KYNU: variants seen among roughly 807,000 people sequenced by gnomAD.
KYNU encodes the protein L-kynurenine hydrolase.
In KYNU, 54 loss-of-function variants were observed where a neutral mutation model predicts 59.2. The ratio of observed to expected loss-of-function variants is 0.91; its 90% CI spans 0.73 to 1.14. The LOEUF (loss-of-function observed/expected upper bound fraction) is 1.14, where lower values mean the gene tolerates loss of function less well. KYNU is among the 50% of genes most tolerant of loss of function. The pLI, the probability that KYNU is intolerant of heterozygous loss-of-function variation, is 0.00. For missense variants in KYNU, 567 were observed against 554.4 expected (o/e 1.02, Z -0.23); for synonymous variants, 177 against 192.0 (o/e 0.92, Z 0.65).
chr2:142,958,520 C>CT (rs1684240890), intron 7 of KYNU, among the ~76,000 whole-genome samples: 1 of 152,158 alleles, frequency 6.6e-6, no homozygotes, highest in Admixed American at 6.5e-5. Flanking sequence ...TCTTTCAACC[C>CT]AGAATTACTT....
intron 10 of KYNU, among the ~76,000 whole-genome samples, chr2:142,990,531 A>G (rs948804532): frequency 1.1e-4 from 17 of 151,868 alleles, no homozygotes; most frequent in African/African-American, 4.1e-4. Context: ...GTCTACTATG[A>G]AAACAGGAGT....
chr2:142,950,190 C>A (rs1264349646), intron 4 of KYNU, among the ~76,000 whole-genome samples: 2 of 152,178 alleles, frequency 1.3e-5, no homozygotes, highest in Non-Finnish European at 2.9e-5. Context: ...CTAGGAAGTT[C>A]CAAACTTTCC....
At chr2:143,040,025 T>G (rs1427231930) in intron 12 of KYNU, among the ~76,000 whole-genome samples, 1 of 152,134 alleles carries the variant, frequency 6.6e-6, no homozygotes, top group South Asian at 2.1e-4. Context: ...AAACTCTTGA[T>G]AGGCTTTTGT....
chr2:143,045,325 G>T lies in KYNU; in HGVS notation c.*3153G>T, dbSNP rs924234104. ...GTCTTGGCAATACAGGTTCTTTTTT[G>T]GTTCCATATGAAATTTAAAGTAGTT... On this transcript the variant is annotated 3_prime_UTR_variant, in exon 14 of 14. Coordinates refer to ENST00000264170, the MANE Select transcript of KYNU (RefSeq NM_003937.3). The T allele has an allele frequency of 1.3e-5, 2 of 151,890 alleles. No individual in the cohort carries two copies. Among genetic ancestry groups the T allele is most frequent in the African/African-American group, 4.8e-5 (2 of 41,356 alleles). The allele number at this position is 151,890 out of a possible 1,614,324, so 9.4% of individuals were successfully genotyped here.
At position 143,011,014 on chromosome 2, in the gene KYNU, T is replaced by C. The variant is rs191607668; in HGVS notation, c.903-18613T>C. On this transcript the variant is annotated intron_variant, in intron 10 of 13. Coordinates refer to ENST00000264170, the MANE Select transcript of KYNU (RefSeq NM_003937.3). ...GACATAGGCATGGGCAAGGACTTCA[T>C]GTGCAAAACACCAAAAGCAATGGCA... 1.1e-3 allele frequency among the ~76,000 whole-genome samples: 167 copies of C among 145,252 alleles called. 22 individuals are homozygous for C. Among genetic ancestry groups the C allele is most frequent in the Non-Finnish European group, 4.1e-4 (27 of 66,586 alleles).
chr2:142,945,116 A>G (rs753345395), intron 4 of KYNU, among the ~76,000 whole-genome samples: 1 of 152,190 alleles, frequency 6.6e-6, no homozygotes, highest in African/African-American at 2.4e-5. Context: ...TGAATGCTGG[A>G]GTGGCTGTGG....
At chr2:143,020,537 G>A (rs1467402365) in intron 10 of KYNU, among the ~76,000 whole-genome samples, 2 of 152,118 alleles carry the variant, frequency 1.3e-5, no homozygotes, top group Admixed American at 1.3e-4. Flanking sequence ...AGAATTGTTT[G>A]TGGCCTAACA....
intron 2 of KYNU, among the ~76,000 whole-genome samples, chr2:142,900,617 G>A (rs1192483675): frequency 6.6e-6 from 1 of 152,154 alleles, no homozygotes; most frequent in African/African-American, 2.4e-5. Context: ...AGATGGATGC[G>A]GTCACCTTCC....
chr2:142,920,449 C>T (rs1395373347), intron 3 of KYNU, among the ~76,000 whole-genome samples: 1 of 152,128 alleles, frequency 6.6e-6, no homozygotes, highest in African/African-American at 2.4e-5. Context: ...AATTTTTATC[C>T]CCTAAGCATT....
At chr2:142,959,455 A>G (rs1187272643) in intron 7 of KYNU, among the ~76,000 whole-genome samples, 1 of 152,092 alleles carries the variant, frequency 6.6e-6, no homozygotes, top group Non-Finnish European at 1.5e-5. Flanking sequence ...ATGTGGTGGC[A>G]CATGCCTGTA....
intron 10 of KYNU, among the ~76,000 whole-genome samples, chr2:143,001,806 A>T (rs1489423491): frequency 6.6e-6 from 1 of 152,196 alleles, no homozygotes. Flanking sequence ...AAGAATATCT[A>T]CCTCAAAGTG....
At chr2:142,981,603 A>G (rs1420733118) in intron 8 of KYNU, among the ~76,000 whole-genome samples, 4 of 152,102 alleles carry the variant, frequency 2.6e-5, no homozygotes, top group Non-Finnish European at 2.9e-5. Flanking sequence ...TTAAACTTAT[A>G]TTACAATGGA....
At position 142,985,173 on chromosome 2, in the gene KYNU, T is replaced by C. The variant is rs1434777834; in HGVS notation, c.819T>C (p.Cys273=). 1.9e-6 allele frequency: 3 copies of C among 1,592,216 alleles called. No homozygotes were observed. The highest frequency in any genetic ancestry group is 2.6e-6 in the Non-Finnish European group (3 of 1,160,654). Residue 273 remains cysteine, a synonymous_variant, in exon 9 of 14, where the codon TGT becomes TGC. Coordinates refer to ENST00000264170, the MANE Select transcript of KYNU (RefSeq NM_003937.3). ...HDWGVDFACW[C]SYKYLNAGAG... is the part of the protein sequence containing the mutation. ...GGGGAGTTGATTTTGCCTGCTGGTG[T>C]TCCTACAAGGTACAAACGAGTTAAT...
chr2:142,891,272 C>A (rs1681702564), intron 2 of KYNU, among the ~76,000 whole-genome samples: 1 of 152,094 alleles, frequency 6.6e-6, no homozygotes. Flanking sequence ...TTCTTCATTC[C>A]ATTTTTTTAT....
chr2:142,995,549 G>C (rs1481296453), intron 10 of KYNU, among the ~76,000 whole-genome samples: 2 of 152,072 alleles, frequency 1.3e-5, no homozygotes, highest in Non-Finnish European at 2.9e-5. Context: ...TATTAAACTA[G>C]GAATTGATAG....
intron 11 of KYNU, among the ~76,000 whole-genome samples, chr2:143,030,826 A>G (rs1420614963): frequency 6.6e-6 from 1 of 152,138 alleles, no homozygotes; most frequent in African/African-American, 2.4e-5. Flanking sequence ...AATACACCTA[A>G]TCTATAGAAC....
chr2:142,978,322 G>A (rs1045837503), intron 8 of KYNU, among the ~76,000 whole-genome samples: 5 of 151,796 alleles, frequency 3.3e-5, no homozygotes, highest in African/African-American at 4.8e-5. Flanking sequence ...AAGTAATATT[G>A]TCCAAATTTA....
At chr2:143,000,187 A>G (rs1475400108) in intron 10 of KYNU, among the ~76,000 whole-genome samples, 1 of 152,172 alleles carries the variant, frequency 6.6e-6, no homozygotes, top group African/African-American at 2.4e-5. Flanking sequence ...GCAGAAAACT[A>G]TGTGAGTCTG....
At chr2:142,922,937 C>A (rs1341086795) in intron 3 of KYNU, among the ~76,000 whole-genome samples, 3 of 152,180 alleles carry the variant, frequency 2.0e-5, no homozygotes, top group African/African-American at 7.2e-5. Context: ...AAGGTGCTGG[C>A]TGACTTAGTG....
Sources: allele counts gnomAD v4.1 joint callset (sites outside exome capture counted in the v4.1 genomes callset), GRCh38; gene constraint gnomAD v4.1.1; transcripts MANE v1.5; gene names NCBI Gene and HGNC (gene_info 2026-07-23, HGNC 2026-07-21).